The following DNAJC13 variants were observed in gnomAD, a reference collection of about 807,000 sequenced individuals.
DNAJC13 encodes the protein DnaJ heat shock protein family (Hsp40) member C13.
A neutral mutation model predicts 290.5 loss-of-function variants in DNAJC13; 75 were observed. That is an observed-to-expected ratio of 0.26 (90% CI 0.21 to 0.31). DNAJC13 has a LOEUF of 0.31. Among genes scored for constraint, DNAJC13 ranks in the 10% least tolerant of loss-of-function variants. DNAJC13 has a pLI of 1.00. For synonymous variants in DNAJC13, 862 were observed against 892.0 expected (o/e 0.97, Z 0.60); for missense variants, 2,260 against 2,674.5 (o/e 0.85, Z 3.42).
At chr3:132,443,941 T>G (rs1336898293) in intron 2 of DNAJC13, among the ~76,000 whole-genome samples, 2 of 152,264 alleles carry the variant, frequency 1.3e-5, no homozygotes, top group African/African-American at 4.8e-5. Context: ...TTATTTAACT[T>G]TAAATAAAAT....
chr3:132,459,782 C>G (rs975082847), intron 13 of DNAJC13, among the ~76,000 whole-genome samples: 2 of 152,108 alleles, frequency 1.3e-5, no homozygotes, highest in Non-Finnish European at 2.9e-5. Context: ...AAGTAACTTA[C>G]CTTGCGTAAC....
Position 132,461,352 on chromosome 3 carries a change from G to A in DNAJC13, c.1713+147G>A, listed in dbSNP as rs984359574. 7 of 803,014 alleles carry A rather than the reference G, an allele frequency of 8.7e-6. No individual in the cohort carries two copies. The Admixed American group carries it at 1.3e-4, about 15-fold the overall frequency. The allele number at this position is 803,014 out of a possible 1,614,324, so 49.7% of individuals were successfully genotyped here. On this transcript the variant is annotated intron_variant, in intron 15 of 55. Transcript: ENST00000260818. ...CCTGGGCCACACTGAAAGAAGAGTT[G>A]TCTTGGGCCACACATAAAATACACT...
intron 20 of DNAJC13, among the ~76,000 whole-genome samples, chr3:132,471,304 AC>A (rs1364227365): frequency 3.0e-5 from 3 of 99,894 alleles, no homozygotes; most frequent in Admixed American, 2.2e-4. Context: ...CTGACCCCCC[AC>A]CTCCCTCCCG....
At chr3:132,459,398 G>C (rs1277922576) in intron 13 of DNAJC13, among the ~76,000 whole-genome samples, 1 of 152,156 alleles carries the variant, frequency 6.6e-6, no homozygotes, top group Non-Finnish European at 1.5e-5. Context: ...AAAGTAGAAT[G>C]GTGGTTGCCA....
At chr3:132,451,234 G>A (rs1406785593) in intron 6 of DNAJC13, among the ~76,000 whole-genome samples, 1 of 152,108 alleles carries the variant, frequency 6.6e-6, no homozygotes, top group African/African-American at 2.4e-5. Context: ...GGCAGAGTTA[G>A]GAGGATAGCT....
At chr3:132,516,393 C>T in intron 46 of DNAJC13, 29 bp from the exon 47 acceptor site, 6 of 1,606,750 alleles carry the variant, frequency 3.7e-6, no homozygotes, top group Non-Finnish European at 5.1e-6. Flanking sequence ...CCTGATGATG[C>T]ATTCCTTGAA....
rs145242123 is a variant in DNAJC13 at position 132,522,838 on chromosome 3, C to A, written c.5684C>A (p.Thr1895Lys). Residue 1895 changes from threonine (T) to lysine (K), a missense_variant, in exon 49 of 56, where the codon ACG becomes AAG. Transcript: ENST00000260818. ...DKLIGPKVRI[T>K]LMKFLPSVFM... ...AACTTCCTCGTATAGGTTCGAATTA[C>A]GTTAATGAAATTTCTACCAAGCGTT... is the stretch of plus-strand genomic sequence containing the variant. 1 of 1,605,966 alleles carries A rather than the reference C, an allele frequency of 6.2e-7. No individual in the cohort carries two copies. Among genetic ancestry groups the A allele is most frequent in the Non-Finnish European group, 8.5e-7 (1 of 1,177,600 alleles).
At chr3:132,479,327 G>A (rs1250308072) in intron 25 of DNAJC13, 38 bp downstream of exon 25, 1 of 1,340,740 alleles carries the variant, frequency 7.5e-7, no homozygotes, top group Non-Finnish European at 1.1e-6. Flanking sequence ...TTATTTCCAA[G>A]TCATATAAGT....
chr3:132,491,864 T>TG lies in DNAJC13; in HGVS notation c.3624-548dup, dbSNP rs139937087. ...GCCAGCAATTTGAATATATTCTGTA[T>TG]GGCAGTCATATTTTTCATTGGGAAA... On this transcript the variant is annotated intron_variant, in intron 32 of 55. Coordinates refer to ENST00000260818, the MANE Select transcript of DNAJC13 (RefSeq NM_015268.4). Among the ~76,000 whole-genome samples the TG allele has an allele frequency of 5.5e-4, 84 of 152,274 alleles. 2 individuals carry two copies. The East Asian group carries it at 0.016, about 28-fold the overall frequency.
intron 1 of DNAJC13, among the ~76,000 whole-genome samples, chr3:132,421,459 AT>A (rs1027898486): frequency 6.6e-6 from 1 of 151,924 alleles, no homozygotes; most frequent in African/African-American, 2.4e-5. Context: ...TCATTTTGAG[AT>A]TTTTTTTGTG....
Position 132,538,594 on chromosome 3 carries a change from TG to T in DNAJC13, c.*313del, listed in dbSNP as rs1242838176. The T allele has an allele frequency of 1.0e-5, 2 of 193,592 alleles. No homozygotes were observed. The highest frequency in any genetic ancestry group is 2.1e-5 in the Non-Finnish European group (2 of 95,486). 12.0% of individuals were successfully genotyped at this position (193,592 alleles called of 1,614,324 possible). ...AAGACAAAACTTTCTTCCTAGTTTT[TG>T]TAATTTTTTTTTTGAACTAGCATGA... On this transcript the variant is annotated 3_prime_UTR_variant, in exon 56 of 56. Transcript: ENST00000260818.
chr3:132,477,920 T>C (rs775278201), intron 23 of DNAJC13, 28 bp downstream of exon 23: 2 of 1,603,080 alleles, frequency 1.2e-6, no homozygotes, highest in Admixed American at 3.5e-5. Flanking sequence ...TCCTGTCGCA[T>C]TTGTTTTCAC....
At chr3:132,471,690 C>T (rs1223754602) in intron 20 of DNAJC13, among the ~76,000 whole-genome samples, 1 of 121,312 alleles carries the variant, frequency 8.2e-6, no homozygotes, top group Non-Finnish European at 1.8e-5. Flanking sequence ...GATGTGATGG[C>T]GGCTGGGAAG....
At chr3:132,487,641 G>A (rs1934924931) in intron 29 of DNAJC13, among the ~76,000 whole-genome samples, 2 of 147,290 alleles carry the variant, frequency 1.4e-5, no homozygotes, top group East Asian at 4.1e-4. Flanking sequence ...TAGAAAATTG[G>A]AACGACACCT....
At chr3:132,497,445 G>A (rs1935269389) in intron 36 of DNAJC13, among the ~76,000 whole-genome samples, 1 of 152,102 alleles carries the variant, frequency 6.6e-6, no homozygotes, top group East Asian at 1.9e-4. Flanking sequence ...TTCAGGATTT[G>A]AGATAAGCAT....
chr3:132,436,335 T>G (rs1236614640), intron 2 of DNAJC13, among the ~76,000 whole-genome samples: 1 of 152,220 alleles, frequency 6.6e-6, no homozygotes, highest in Non-Finnish European at 1.5e-5. Flanking sequence ...ACTGACTTCT[T>G]CCATTAAGCA....
Position 132,462,482 on chromosome 3 carries a change from A to G in DNAJC13, c.1729A>G (p.Ile577Val). 2 of 1,609,268 alleles carry G rather than the reference A, an allele frequency of 1.2e-6. No individual in the cohort carries two copies. Among genetic ancestry groups the G allele is most frequent in the Non-Finnish European group, 1.7e-6 (2 of 1,178,524 alleles). Residue 577 changes from isoleucine to valine, a missense_variant, in exon 16 of 56, where the codon ATA becomes GTA. Around this residue, in one of 3 missense-constraint regions of DNAJC13, gnomAD observed 762 missense variants for 964.1 expected, o/e 0.79. Transcript: ENST00000260818. ...CACTTTAAAGCATCCTTCCATGGCAATAATAAAAGGAGCTGGGTTGGTTAT... is the reference window on the plus strand; with the variant it reads ...CACTTTAAAGCATCCTTCCATGGCAGTAATAAAAGGAGCTGGGTTGGTTAT... Reference protein sequence around the residue: ...FKLFQHPSMAIIKGAGLVMKA... With the variant: ...FKLFQHPSMAVIKGAGLVMKA...
intron 48 of DNAJC13, among the ~76,000 whole-genome samples, chr3:132,517,801 T>A (rs918600661): frequency 6.6e-6 from 1 of 152,230 alleles, no homozygotes; most frequent in African/African-American, 2.4e-5. Context: ...ACTTTTTACA[T>A]TAATAAAACA....
chr3:132,428,157 T>G (rs1445295757), intron 1 of DNAJC13, among the ~76,000 whole-genome samples: 1 of 152,180 alleles, frequency 6.6e-6, no homozygotes, highest in Non-Finnish European at 1.5e-5. Flanking sequence ...TTGCCAATTA[T>G]TATCTTGAAA....
Sources: gnomAD v4.1 joint callset for allele counts (sites outside exome capture counted in the v4.1 genomes callset) on GRCh38, gnomAD v4.1.1 for gene constraint, gnomAD v4.1.1 regional missense constraint, MANE v1.5 for transcripts, NCBI Gene and HGNC (gene_info 2026-07-23, HGNC 2026-07-21) for gene names.